The following POT1 variants were observed in gnomAD, a reference collection of about 807,000 sequenced individuals.
The protein encoded by POT1 is protection of telomeres 1, also known as protection of telomeres protein 1.
Under a neutral mutation model 78.5 loss-of-function variants are expected in POT1, and 47 were observed. The observed-to-expected ratio is 0.60, with a 90% confidence interval of 0.47 to 0.76. The LOEUF is 0.76. Ranked by LOEUF, POT1 falls within the 30% of genes least tolerant of loss-of-function variation. The pLI, the probability that POT1 is intolerant of heterozygous loss-of-function variation, is 0.00. For synonymous variants in POT1, 259 were observed against 260.7 expected, an observed-to-expected ratio of 0.99 and a Z score of 0.06; for missense variants, 646 against 749.9, an observed-to-expected ratio of 0.86 and a Z score of 1.62.
chr7:124,880,096 C>A (rs1311030338), intron 6 of POT1, among the ~76,000 whole-genome samples: 1 of 151,994 alleles, frequency 6.6e-6, no homozygotes, highest in Non-Finnish European at 1.5e-5. Flanking sequence ...TTTTGATGCC[C>A]CTTTTCCCCA....
chr7:124,828,431 A>C (rs557632908), intron 16 of POT1, among the ~76,000 whole-genome samples: 1 of 152,342 alleles, frequency 6.6e-6, no homozygotes, highest in South Asian at 2.1e-4. Context: ...ATGTTTTATT[A>C]GCTTTTATCT....
At chr7:124,868,163 CT>C (rs1795777530) in intron 7 of POT1, among the ~76,000 whole-genome samples, 1 of 151,996 alleles carries the variant, frequency 6.6e-6, no homozygotes, top group Non-Finnish European at 1.5e-5. Context: ...AAAATAAATT[CT>C]GATATCTAAA....
intron 2 of POT1, among the ~76,000 whole-genome samples, chr7:124,917,589 A>G (rs1461811858): frequency 1.3e-5 from 2 of 152,180 alleles, no homozygotes; most frequent in Non-Finnish European, 2.9e-5. Flanking sequence ...ATAACAACAT[A>G]TGAGGCATAC....
intron 14 of POT1, chr7:124,837,160 C>T: frequency 3.7e-6 from 1 of 270,620 alleles, no homozygotes; most frequent in Non-Finnish European, 7.3e-6. Context: ...ACCATTTTCT[C>T]TTGGTCTCAG....
At chr7:124,916,876 G>A (rs925089473) in intron 2 of POT1, among the ~76,000 whole-genome samples, 22 of 152,108 alleles carry the variant, frequency 1.4e-4, no homozygotes, top group African/African-American at 5.1e-4. Context: ...GGCAATGGCA[G>A]CAGCAGTTAC....
chr7:124,892,390 G>C lies in POT1; in HGVS notation c.10-10C>G. 1 of 1,306,796 alleles carries C rather than the reference G, an allele frequency of 7.7e-7. No homozygotes were observed. Among genetic ancestry groups the C allele is most frequent in the Non-Finnish European group, 1.0e-6 (1 of 966,816 alleles). 81.0% of individuals were successfully genotyped at this position (1,306,796 alleles called of 1,614,324 possible). ...AATTTGTTGCTGGAACCTAAAGAAA[G>C]AGAAGACAGTGAATACATTTATACA... On this transcript the variant is annotated splice_polypyrimidine_tract_variant and intron_variant, in intron 5 of 18. Coordinates refer to ENST00000357628, the MANE Select transcript of POT1 (RefSeq NM_015450.3).
chr7:124,900,284 C>T (rs1796587050), intron 3 of POT1, among the ~76,000 whole-genome samples: 1 of 152,014 alleles, frequency 6.6e-6, no homozygotes, highest in African/African-American at 2.4e-5. Context: ...TGAGCCACTG[C>T]TACAAATAAA....
intron 5 of POT1, among the ~76,000 whole-genome samples, chr7:124,893,776 A>C (rs532698483): frequency 7.1e-4 from 108 of 151,636 alleles, no homozygotes; most frequent in African/African-American, 2.5e-3. Context: ...ATGACTTACT[A>C]ATCCCAGTAT....
chr7:124,890,563 C>T (rs1236183571), intron 6 of POT1, among the ~76,000 whole-genome samples: 1 of 151,806 alleles, frequency 6.6e-6, no homozygotes, highest in African/African-American at 2.4e-5. Flanking sequence ...TGAGAAACTT[C>T]AGTATTGTCT....
intron 2 of POT1, among the ~76,000 whole-genome samples, chr7:124,917,549 T>C (rs1435684057): frequency 6.6e-6 from 1 of 152,164 alleles, no homozygotes; most frequent in African/African-American, 2.4e-5. Context: ...CAGTCTCCAC[T>C]GTCCTCCACA....
At chr7:124,868,224 G>A (rs781693059) in intron 7 of POT1, among the ~76,000 whole-genome samples, 100 of 152,152 alleles carry the variant, frequency 6.6e-4, no homozygotes, top group Middle Eastern at 6.8e-3. Context: ...ACAACAGGGC[G>A]ATTCAAAGCT....
Position 124,846,808 on chromosome 7 carries a change from T to C in POT1, c.1006+134A>G, listed in dbSNP as rs540457269. ...ACAAGACACGGTAGAAGAAGAAAGT[T>C]AAATATGGACATATTTTAGCTTTAA... is the stretch of plus-strand genomic sequence containing the variant. On this transcript the variant is annotated intron_variant, in intron 12 of 18. Transcript: ENST00000357628. 18 of 583,428 alleles carry C rather than the reference T, an allele frequency of 3.1e-5. No homozygotes were observed. The Admixed American group carries it at 4.7e-4, about 15-fold the overall frequency. The allele number at this position is 583,428 out of a possible 1,614,324, so 36.1% of individuals were successfully genotyped here.
intron 6 of POT1, among the ~76,000 whole-genome samples, chr7:124,874,908 A>C (rs1039124198): frequency 6.6e-6 from 1 of 151,894 alleles, no homozygotes; most frequent in African/African-American, 2.4e-5. Context: ...GAAAAAGAGA[A>C]ATCTGAATTT....
chr7:124,879,612 G>T (rs1313773387), intron 6 of POT1, among the ~76,000 whole-genome samples: 1 of 152,100 alleles, frequency 6.6e-6, no homozygotes, highest in Admixed American at 6.5e-5. Flanking sequence ...AGAGCAGGGG[G>T]CTACCGTTAT....
chr7:124,928,576 C>T (rs1797331784), intron 2 of POT1, among the ~76,000 whole-genome samples: 1 of 152,148 alleles, frequency 6.6e-6, no homozygotes, highest in Non-Finnish European at 1.5e-5. Context: ...ATCTTTAGTT[C>T]CGGGACTATA....
intron 16 of POT1, 50 bp downstream of exon 16, chr7:124,829,204 A>C: frequency 1.6e-6 from 2 of 1,263,076 alleles, no homozygotes; most frequent in Non-Finnish European, 2.3e-6. Context: ...TAGGTGAAAT[A>C]ACCTTGTAAA....
intron 17 of POT1, 65 bp from the exon 18 acceptor site, chr7:124,825,422 A>G: frequency 4.1e-6 from 4 of 967,458 alleles, no homozygotes; most frequent in Non-Finnish European, 6.2e-6. Flanking sequence ...TGTTATTATT[A>G]ACACATATTT....
At chr7:124,868,669 T>C (rs1413248983) in intron 7 of POT1, among the ~76,000 whole-genome samples, 2 of 150,750 alleles carry the variant, frequency 1.3e-5, no homozygotes, top group Non-Finnish European at 3.0e-5. Flanking sequence ...AAAAAAGTAA[T>C]AATCCTAAGG....
At chr7:124,910,401 C>T (rs1160716725) in intron 3 of POT1, among the ~76,000 whole-genome samples, 4 of 151,940 alleles carry the variant, frequency 2.6e-5, no homozygotes, top group East Asian at 3.9e-4. Flanking sequence ...AGAGGGTTAT[C>T]TTCATAATAA....
Sources: gnomAD v4.1 joint callset for allele counts (sites outside exome capture counted in the v4.1 genomes callset) on GRCh38, gnomAD v4.1.1 for gene constraint, MANE v1.5 for transcripts, NCBI Gene and HGNC (gene_info 2026-07-23, HGNC 2026-07-21) for gene names.